Variants in SPART observed in about 807,000 individuals in gnomAD.
SPART encodes the protein spartin, also known as spastic paraplegia 20 (Troyer syndrome).
SPART carries 35 observed loss-of-function variants against 58.7 expected under a neutral mutation model. The ratio of observed to expected loss-of-function variants is 0.60; its 90% CI spans 0.46 to 0.79. The LOEUF (loss-of-function observed/expected upper bound fraction) is 0.79. Ranked by LOEUF, SPART falls within the 30% of genes least tolerant of loss-of-function variation. The pLI is 0.00. For missense variants in SPART, 730 were observed against 786.1 expected (o/e 0.93, Z 0.85); for synonymous variants, 284 against 280.7 (o/e 1.01, Z -0.12).
chr13:36,326,275 G>A (rs1882922520), intron 5 of SPART: 2 of 368,580 alleles, frequency 5.4e-6, no homozygotes, highest in Admixed American at 4.1e-5. Context: ...AGCTTCAAAG[G>A]GGAAACGAAC....
chr13:36,368,330 GACCATTAAAAAAGGT>G, intron 1 of SPART: 1 of 288,386 alleles, frequency 3.5e-6, no homozygotes. Context: ...GAGGAAGAAG[GACCATTAAAAAAGGT>G]ACAGAAAGAA....
At chr13:36,351,666 G>T (rs1457078547) in intron 1 of SPART, among the ~76,000 whole-genome samples, 2 of 152,090 alleles carry the variant, frequency 1.3e-5, no homozygotes, top group East Asian at 3.9e-4. Flanking sequence ...TTTTAGGCAT[G>T]CAATACCCAT....
At chr13:36,352,817 A>G (rs1369008664) in intron 1 of SPART, among the ~76,000 whole-genome samples, 2 of 150,982 alleles carry the variant, frequency 1.3e-5, no homozygotes, top group East Asian at 3.9e-4. Context: ...AAAATTAGCC[A>G]GGCATGGTGG....
chr13:36,314,222 T>C lies in SPART; in HGVS notation c.1483+5A>G. 6.2e-7 allele frequency: 1 copy of C among 1,613,740 alleles called. No homozygotes were observed. Among genetic ancestry groups the C allele is most frequent in the Non-Finnish European group, 8.5e-7 (1 of 1,179,818 alleles). On this transcript the variant is annotated splice_donor_5th_base_variant and intron_variant, in intron 6 of 8. Transcript: ENST00000438666. ...AAAAAGTAAAGTTATCTAGAATTACTTTACCCAGGAACTGACTGACTTTTG... is the reference window on the plus strand; with the variant it reads ...AAAAAGTAAAGTTATCTAGAATTACCTTACCCAGGAACTGACTGACTTTTG...
intron 1 of SPART, among the ~76,000 whole-genome samples, chr13:36,337,057 G>T (rs977415586): frequency 6.6e-6 from 1 of 152,190 alleles, no homozygotes; most frequent in African/African-American, 2.4e-5. Flanking sequence ...ATGTTCTCTT[G>T]TTGATCTGAG....
At chr13:36,317,389 C>T (rs1342254481) in intron 5 of SPART, among the ~76,000 whole-genome samples, 4 of 152,078 alleles carry the variant, frequency 2.6e-5, no homozygotes, top group Non-Finnish European at 4.4e-5. Context: ...ACCCCAACCT[C>T]GTATCTCTGT....
intron 5 of SPART, among the ~76,000 whole-genome samples, chr13:36,319,782 G>A (rs1363628414): frequency 7.0e-6 from 1 of 143,824 alleles, no homozygotes; most frequent in Admixed American, 7.2e-5. Flanking sequence ...ATCAAGCTCA[G>A]CAAATTACCT....
chr13:36,321,532 C>T (rs2137415796), intron 5 of SPART, among the ~76,000 whole-genome samples: 1 of 152,102 alleles, frequency 6.6e-6, no homozygotes, highest in East Asian at 1.9e-4. Context: ...TTTCTTCTAA[C>T]AACCCCACAA....
At chr13:36,355,633 A>C (rs1261605332) in intron 1 of SPART, among the ~76,000 whole-genome samples, 1 of 152,214 alleles carries the variant, frequency 6.6e-6, no homozygotes, top group African/African-American at 2.4e-5. Context: ...GTGTAAAATC[A>C]TGAGAAGTTT....
chr13:36,302,546 T>TGACC lies in SPART; in HGVS notation c.*1815_*1818dup, dbSNP rs1169794686. 6.6e-6 allele frequency: 1 copy of TGACC among 152,226 alleles called. No homozygotes were observed. Among genetic ancestry groups the TGACC allele is most frequent in the Non-Finnish European group, 1.5e-5 (1 of 68,032 alleles). 9.4% of individuals were successfully genotyped at this position (152,226 alleles called of 1,614,324 possible). ...GATTTAGCCCATGGAGGATATTTGC[T>TGACC]GACCTCTGGTCAAAGCTAACTGTTT... On this transcript the variant is annotated 3_prime_UTR_variant, in exon 9 of 9. Transcript: ENST00000438666.
At chr13:36,323,656 T>C (rs1324271568) in intron 5 of SPART, among the ~76,000 whole-genome samples, 1 of 152,208 alleles carries the variant, frequency 6.6e-6, no homozygotes, top group Non-Finnish European at 1.5e-5. Flanking sequence ...TAATTTTCCC[T>C]GGAGTAAATC....
chr13:36,324,418 T>C (rs1439782402), intron 5 of SPART, among the ~76,000 whole-genome samples: 1 of 152,162 alleles, frequency 6.6e-6, no homozygotes, highest in East Asian at 1.9e-4. Flanking sequence ...TCCTAGACTT[T>C]GACCTCTCCC....
At chr13:36,337,135 C>G (rs1215774413) in intron 1 of SPART, among the ~76,000 whole-genome samples, 1 of 152,172 alleles carries the variant, frequency 6.6e-6, no homozygotes, top group Non-Finnish European at 1.5e-5. Flanking sequence ...TTTCAGTTAC[C>G]TGCAGTCAAC....
intron 2 of SPART, 22 bp from the exon 3 acceptor site, chr13:36,331,618 A>C: frequency 6.6e-7 from 1 of 1,511,578 alleles, no homozygotes; most frequent in Non-Finnish European, 9.2e-7. Context: ...CATTAGAAGA[A>C]AAAAAATATA....
At chr13:36,317,856 T>C (rs1236650646) in intron 5 of SPART, among the ~76,000 whole-genome samples, 1 of 152,160 alleles carries the variant, frequency 6.6e-6, no homozygotes, top group Non-Finnish European at 1.5e-5. Flanking sequence ...TAGTTCCAAA[T>C]AGCCAGAAAA....
intron 1 of SPART, among the ~76,000 whole-genome samples, chr13:36,362,138 G>T (rs907572773): frequency 3.3e-5 from 5 of 151,996 alleles, no homozygotes; most frequent in Admixed American, 3.3e-4. Context: ...ATCACCTGAG[G>T]TCAGGAGTTC....
At chr13:36,309,674 AC>A (rs1160930410) in intron 8 of SPART, among the ~76,000 whole-genome samples, 1 of 152,138 alleles carries the variant, frequency 6.6e-6, no homozygotes, top group Admixed American at 6.5e-5. Context: ...GGAAATAAAC[AC>A]TGGATACTCA....
rs1421181856 is a variant in SPART at position 36,302,229 on chromosome 13, T to C, written c.*2136A>G. ...TTCATCATACCTTACAAGTAATATA[T>C]AATTTTATCTATATATCAATCATTA... On this transcript the variant is annotated 3_prime_UTR_variant, in exon 9 of 9. Coordinates refer to ENST00000438666, the MANE Select transcript of SPART (RefSeq NM_015087.5). The C allele has an allele frequency of 7.1e-6, 1 of 141,290 alleles. No homozygotes were observed. Among genetic ancestry groups the C allele is most frequent in the African/African-American group, 2.5e-5 (1 of 40,188 alleles). 8.8% of individuals were successfully genotyped at this position (141,290 alleles called of 1,614,324 possible). A position where few individuals can be genotyped will look rare whatever the true frequency, so the allele number is the denominator to read the frequency against.
intron 4 of SPART, 79 bp from the exon 5 acceptor site, chr13:36,326,777 G>A: frequency 6.7e-7 from 1 of 1,483,278 alleles, no homozygotes; most frequent in South Asian, 1.2e-5. Context: ...TAACAAATAT[G>A]AAGCCAACAA....
Sources: allele counts gnomAD v4.1 joint callset (sites outside exome capture counted in the v4.1 genomes callset), GRCh38; gene constraint gnomAD v4.1.1; transcripts MANE v1.5; gene names NCBI Gene and HGNC (gene_info 2026-07-23, HGNC 2026-07-21).